The following ADGRL3 variants were observed in gnomAD, a reference collection of about 807,000 sequenced individuals.
The protein encoded by ADGRL3 is calcium-independent alpha-latrotoxin receptor 3.
A neutral mutation model predicts 153.5 loss-of-function variants in ADGRL3; 62 were observed. The observed-to-expected ratio is 0.40, with a 90% CI of 0.33 to 0.50. The LOEUF (loss-of-function observed/expected upper bound fraction) is 0.50, where lower values mean the gene tolerates loss of function less well. Ranked by LOEUF, ADGRL3 falls within the 20% of genes least tolerant of loss-of-function variation. The pLI is 0.47. For synonymous variants in ADGRL3, 710 were observed against 672.5 expected (o/e 1.06, Z -0.86); for missense variants, 1,641 against 1,859.4 (o/e 0.88, Z 2.16).
chr4:61,611,922 A>T (rs910969849), intron 5 of ADGRL3, among the ~76,000 whole-genome samples: 15 of 151,964 alleles, frequency 9.9e-5, no homozygotes, highest in African/African-American at 2.4e-4. Flanking sequence ...GTGTCTAAAA[A>T]ATATATATAT....
At chr4:61,661,449 A>C (rs2094590351) in intron 5 of ADGRL3, among the ~76,000 whole-genome samples, 1 of 152,084 alleles carries the variant, frequency 6.6e-6, no homozygotes, top group Non-Finnish European at 1.5e-5. Context: ...AAAGATTGAA[A>C]ACCACAGCCT....
intron 8 of ADGRL3, among the ~76,000 whole-genome samples, chr4:61,789,614 T>C (rs112894583): frequency 6.6e-6 from 1 of 152,324 alleles, no homozygotes; most frequent in African/African-American, 2.4e-5. Flanking sequence ...TTTCTTTTAA[T>C]TGGCAAGTTT....
chr4:61,745,368 G>A (rs2096642195), intron 8 of ADGRL3, among the ~76,000 whole-genome samples: 1 of 152,076 alleles, frequency 6.6e-6, no homozygotes, highest in South Asian at 2.1e-4. Flanking sequence ...ATGCCACAAA[G>A]ATACTCCTCG....
chr4:61,487,279 T>C lies in ADGRL3; in HGVS notation c.-173-9842T>C, dbSNP rs1316175387. 2.6e-5 allele frequency among the ~76,000 whole-genome samples: 4 copies of C among 152,174 alleles called. No individual in the cohort carries two copies. The East Asian group carries it at 5.8e-4, about 22-fold the overall frequency. ...TTAACTATGTGGCCTCAACAAGTTC[T>C]TTAACTCTCCATCCCTCGATTTCCT... On this transcript the variant is annotated intron_variant, in intron 2 of 26. Coordinates refer to ENST00000683033, the MANE Select transcript of ADGRL3 (RefSeq NM_001387552.1).
At chr4:61,829,544 GT>G (rs1205274874) in intron 9 of ADGRL3, among the ~76,000 whole-genome samples, 10 of 152,098 alleles carry the variant, frequency 6.6e-5, no homozygotes, top group Admixed American at 5.2e-4. Context: ...ATGAATTTCA[GT>G]TTGATTTTGG....
chr4:61,495,405 C>T (rs1261406255), intron 2 of ADGRL3, among the ~76,000 whole-genome samples: 4 of 146,898 alleles, frequency 2.7e-5, no homozygotes, highest in East Asian at 2.0e-4. Context: ...ATGTATCAAT[C>T]TCCAAGACAA....
chr4:61,741,942 A>G (rs2096585272), intron 8 of ADGRL3, among the ~76,000 whole-genome samples: 1 of 152,254 alleles, frequency 6.6e-6, no homozygotes, highest in Non-Finnish European at 1.5e-5. Flanking sequence ...GTAATAAAGA[A>G]AGATGACTTA....
chr4:61,335,345 C>T (rs543387822), intron 1 of ADGRL3, among the ~76,000 whole-genome samples: 59 of 152,220 alleles, frequency 3.9e-4, no homozygotes, highest in Non-Finnish European at 6.0e-4. Flanking sequence ...AATACCATTA[C>T]TGTTTAAGAT....
At chr4:61,619,193 A>G (rs1384305522) in intron 5 of ADGRL3, among the ~76,000 whole-genome samples, 2 of 152,122 alleles carry the variant, frequency 1.3e-5, no homozygotes, top group Non-Finnish European at 2.9e-5. Context: ...GACAGAAACA[A>G]CCGGTGGCTG....
chr4:61,895,250 G>A (rs1033182412), intron 10 of ADGRL3, among the ~76,000 whole-genome samples: 2 of 152,052 alleles, frequency 1.3e-5, no homozygotes, highest in African/African-American at 2.4e-5. Context: ...GGCAGATCAC[G>A]AGGTCAGGAG....
chr4:61,269,637 T>C (rs188160369), intron 1 of ADGRL3, among the ~76,000 whole-genome samples: 7 of 151,866 alleles, frequency 4.6e-5, no homozygotes, highest in Non-Finnish European at 4.4e-5. Flanking sequence ...GGCCTAATGC[T>C]CTATTCAAGT....
intron 2 of ADGRL3, among the ~76,000 whole-genome samples, chr4:61,395,503 T>G (rs796387402): frequency 1.2e-4 from 18 of 152,024 alleles, no homozygotes; most frequent in African/African-American, 4.1e-4. Flanking sequence ...TACAGATAAT[T>G]TCTATTAACT....
intron 5 of ADGRL3, among the ~76,000 whole-genome samples, chr4:61,624,040 C>T (rs1262498793): frequency 2.0e-5 from 3 of 152,054 alleles, no homozygotes; most frequent in Admixed American, 1.3e-4. Context: ...GCTAGAGATT[C>T]GGGCAAGTTT....
Position 61,745,491 on chromosome 4 carries a change from T to C in ADGRL3, c.1399+11937T>C, listed in dbSNP as rs371103856. On this transcript the variant is annotated intron_variant, in intron 8 of 26. Transcript: ENST00000683033. The stretch of plus-strand genomic sequence containing the variant: ...AGGGTTACCCACAAAGGGAAGCCCA[T>C]CAGACTAACAGCTGATCTCTCGGCA... Among the ~76,000 whole-genome samples, 13 of 152,274 alleles carry C rather than the reference T, an allele frequency of 8.5e-5. No individual in the cohort carries two copies. In the South Asian group the frequency reaches 2.7e-3, roughly 32 times the overall value.
intron 4 of ADGRL3, among the ~76,000 whole-genome samples, chr4:61,563,207 C>T (rs192668756): frequency 1.3e-5 from 2 of 152,228 alleles, no homozygotes; most frequent in East Asian, 1.9e-4. Flanking sequence ...ACATCTCCAT[C>T]GGAGCTCCTG....
chr4:61,937,616 C>T (rs1204560845), intron 15 of ADGRL3, among the ~76,000 whole-genome samples: 1 of 152,028 alleles, frequency 6.6e-6, no homozygotes, highest in South Asian at 2.1e-4. Context: ...CATTTATTCA[C>T]TTACCATTAT....
intron 9 of ADGRL3, among the ~76,000 whole-genome samples, chr4:61,854,591 A>G (rs1476320238): frequency 2.0e-5 from 3 of 152,214 alleles, no homozygotes; most frequent in East Asian, 3.8e-4. Context: ...AGGAGAAGAG[A>G]CAAATCTCCT....
At chr4:61,667,767 T>A (rs1332128679) in intron 5 of ADGRL3, among the ~76,000 whole-genome samples, 1 of 152,206 alleles carries the variant, frequency 6.6e-6, no homozygotes, top group East Asian at 1.9e-4. Flanking sequence ...ACATAATCTT[T>A]TAACCAAATT....
At chr4:61,255,261 C>T (rs2091849495) in intron 1 of ADGRL3, among the ~76,000 whole-genome samples, 1 of 152,110 alleles carries the variant, frequency 6.6e-6, no homozygotes, top group Non-Finnish European at 1.5e-5. Context: ...AATCTTATGG[C>T]CAGAAGTTAT....
Sources: allele counts gnomAD v4.1 joint callset (sites outside exome capture counted in the v4.1 genomes callset), GRCh38; gene constraint gnomAD v4.1.1; transcripts MANE v1.5; gene names NCBI Gene and HGNC (gene_info 2026-07-23, HGNC 2026-07-21).